CEP112: variants seen among roughly 807,000 people sequenced by gnomAD.
CEP112 encodes centrosomal protein of 112 kDa.
In CEP112, 127 loss-of-function variants were observed where a neutral mutation model predicts 153.0. That is an observed-to-expected ratio of 0.83 (90% CI 0.72 to 0.96). The LOEUF is 0.96. Among genes scored for constraint, CEP112 ranks in the 40% least tolerant of loss-of-function variants. The pLI, the probability that CEP112 is intolerant of heterozygous loss-of-function variation, is 0.00. For synonymous variants in CEP112, 358 were observed against 374.4 expected (o/e 0.96, Z 0.51); for missense variants, 1,089 against 1,101.2 (o/e 0.99, Z 0.16).
intron 21 of CEP112, among the ~76,000 whole-genome samples, chr17:65,767,925 C>A (rs1321333898): frequency 6.6e-6 from 1 of 152,046 alleles, no homozygotes; most frequent in Non-Finnish European, 1.5e-5. Context: ...GTCTTCATGG[C>A]TGAATTCTAC....
intron 20 of CEP112, among the ~76,000 whole-genome samples, 163 bp from the exon 21 acceptor site, chr17:65,852,197 CT>C: frequency 7.3e-6 from 1 of 136,504 alleles, no homozygotes; most frequent in Non-Finnish European, 1.6e-5. Context: ...CCCTCTTTCC[CT>C]CTCCCTTCCT....
chr17:65,649,037 T>G (rs1393221954), intron 24 of CEP112, among the ~76,000 whole-genome samples: 1 of 145,722 alleles, frequency 6.9e-6, no homozygotes, highest in Admixed American at 6.8e-5. Flanking sequence ...GGCAACAGAG[T>G]GAGAGTCTGT....
chr17:66,108,530 C>T (rs925776910), intron 6 of CEP112, among the ~76,000 whole-genome samples: 5 of 152,112 alleles, frequency 3.3e-5, no homozygotes, highest in Non-Finnish European at 5.9e-5. Flanking sequence ...CATTACTGAT[C>T]ATCAGATAAA....
At chr17:65,746,165 CAAAAAAAAA>C (rs56361589) in intron 22 of CEP112, among the ~76,000 whole-genome samples, 5 of 49,492 alleles carry the variant, frequency 1.0e-4, no homozygotes, top group Admixed American at 2.8e-4. Flanking sequence ...AACTCCATCT[CAAAAAAAAA>C]AAAAAAAAAA....
At chr17:65,667,490 T>A (rs572133506) in intron 24 of CEP112, among the ~76,000 whole-genome samples, 379 of 152,048 alleles carry the variant, frequency 2.5e-3, no homozygotes, top group Non-Finnish European at 3.0e-3. Flanking sequence ...AGCAAAAAAA[T>A]ATATATTATT....
rs182096963 is a variant in CEP112 at position 65,768,365 on chromosome 17, C to T, written c.2395-17641G>A. Among the ~76,000 whole-genome samples the T allele has an allele frequency of 7.9e-5, 12 of 152,110 alleles. No individual in the cohort carries two copies. In the East Asian group the frequency reaches 2.3e-3, roughly 29 times the overall value. ...AAGGAAAAGGAGTTGGTCTTGCTGT[C>T]TCAGGGGTGGCAGAGGCAGAAGAAA... is the stretch of plus-strand genomic sequence containing the variant. On this transcript the variant is annotated intron_variant, in intron 21 of 26. Coordinates refer to ENST00000535342, the MANE Select transcript of CEP112 (RefSeq NM_001199165.4).
chr17:65,895,229 T>C (rs977410904), intron 20 of CEP112, among the ~76,000 whole-genome samples: 4 of 152,046 alleles, frequency 2.6e-5, no homozygotes, highest in African/African-American at 4.8e-5. Context: ...ACAGAGTTTC[T>C]AGATAGGAAA....
chr17:66,103,108 C>T (rs961410740), intron 6 of CEP112, among the ~76,000 whole-genome samples: 2 of 151,944 alleles, frequency 1.3e-5, no homozygotes, highest in Non-Finnish European at 2.9e-5. Context: ...GCCTGTAATC[C>T]CAGCTACTCG....
intron 18 of CEP112, among the ~76,000 whole-genome samples, chr17:65,946,353 G>T (rs1273002565): frequency 6.6e-6 from 1 of 152,042 alleles, no homozygotes; most frequent in African/African-American, 2.4e-5. Context: ...TTTCATAAAT[G>T]GGGTAAAATA....
intron 23 of CEP112, among the ~76,000 whole-genome samples, chr17:65,696,363 C>T (rs561517123): frequency 2.0e-5 from 3 of 152,248 alleles, no homozygotes; most frequent in East Asian, 1.9e-4. Flanking sequence ...TGGTTCTGTC[C>T]GTAGGTTCAC....
chr17:65,854,193 A>G (rs922562681), intron 20 of CEP112, among the ~76,000 whole-genome samples: 2 of 152,232 alleles, frequency 1.3e-5, no homozygotes, highest in Non-Finnish European at 2.9e-5. Flanking sequence ...GAAAAATAAA[A>G]AAGTGACAGG....
intron 21 of CEP112, among the ~76,000 whole-genome samples, chr17:65,786,256 T>A (rs1196284059): frequency 6.6e-6 from 1 of 152,140 alleles, no homozygotes; most frequent in African/African-American, 2.4e-5. Context: ...GATTTTTCTA[T>A]ATTGATCTTA....
At chr17:66,075,703 G>C (rs997046988) in intron 8 of CEP112, among the ~76,000 whole-genome samples, 32 of 152,306 alleles carry the variant, frequency 2.1e-4, no homozygotes, top group African/African-American at 6.5e-4. Flanking sequence ...TGAGAGGCAT[G>C]AGGACTAGAT....
intron 11 of CEP112, among the ~76,000 whole-genome samples, chr17:66,056,128 C>A (rs899915684): frequency 1.3e-5 from 2 of 152,096 alleles, no homozygotes; most frequent in Non-Finnish European, 2.9e-5. Flanking sequence ...CATAGGAATT[C>A]TCAAGAAGAA....
intron 12 of CEP112, among the ~76,000 whole-genome samples, chr17:66,032,102 A>G (rs2065512093): frequency 6.6e-6 from 1 of 152,064 alleles, no homozygotes; most frequent in East Asian, 1.9e-4. Context: ...CCCAGGTTCA[A>G]GCAATTCTCC....
At chr17:66,130,240 T>A (rs999168811) in intron 5 of CEP112, among the ~76,000 whole-genome samples, 1 of 151,536 alleles carries the variant, frequency 6.6e-6, no homozygotes, top group Non-Finnish European at 1.5e-5. Context: ...AAAAAAAAAA[T>A]TAAAAATTAA....
At chr17:66,134,169 C>A (rs773615192) in intron 4 of CEP112, among the ~76,000 whole-genome samples, 2 of 151,982 alleles carry the variant, frequency 1.3e-5, no homozygotes, top group East Asian at 3.9e-4. Flanking sequence ...TTGAAAAATG[C>A]TTAAATATTA....
intron 24 of CEP112, among the ~76,000 whole-genome samples, chr17:65,650,508 T>C (rs1241320561): frequency 6.6e-6 from 1 of 152,078 alleles, no homozygotes; most frequent in African/African-American, 2.4e-5. Context: ...CTGCCTCTGC[T>C]TGCTGCTGGG....
intron 23 of CEP112, among the ~76,000 whole-genome samples, chr17:65,707,854 A>G (rs1404601112): frequency 2.0e-5 from 3 of 152,252 alleles, no homozygotes; most frequent in South Asian, 2.1e-4. Context: ...ATGTACTGTG[A>G]AAGAACTGGT....
Sources: allele counts gnomAD v4.1 joint callset (sites outside exome capture counted in the v4.1 genomes callset), GRCh38; gene constraint gnomAD v4.1.1; transcripts MANE v1.5; gene names NCBI Gene and HGNC (gene_info 2026-07-23, HGNC 2026-07-21).